TNS1: variants seen among roughly 807,000 people sequenced by gnomAD.
The protein encoded by TNS1 is tensin 1.
A neutral mutation model predicts 168.6 loss-of-function variants in TNS1; 62 were observed. The observed-to-expected ratio is 0.37, with a 90% CI of 0.30 to 0.45. The LOEUF (loss-of-function observed/expected upper bound fraction) is 0.45, where lower values mean the gene tolerates loss of function less well. TNS1 is among the 20% of genes least tolerant of loss of function. The probability of loss-of-function intolerance (pLI) is 1.00; values close to 1 mark genes in which losing one functional copy is unlikely to be tolerated. For synonymous variants in TNS1, 934 were observed against 933.2 expected (o/e 1.00, Z -0.02); for missense variants, 2,240 against 2,339.4 (o/e 0.96, Z 0.88).
chr2:217,852,019 CCTGTAATCCCAG>C (rs1947569638), intron 18 of TNS1, among the ~76,000 whole-genome samples: 1 of 152,184 alleles, frequency 6.6e-6, no homozygotes, highest in Admixed American at 6.5e-5. Context: ...GTAGCACATG[CCTGTAATCCCAG>C]CTACTCGGGA....
At chr2:217,830,455 G>A (rs1944257155) in intron 22 of TNS1, 3 of 1,584,434 alleles carry the variant, frequency 1.9e-6, no homozygotes, top group African/African-American at 1.3e-5. Context: ...AGTCCAGGGA[G>A]CAGCTTTCTG....
Position 217,812,225 on chromosome 2 carries a change from G to A in TNS1, c.5032+143C>T, listed in dbSNP as rs1941048590. 6.9e-6 allele frequency: 4 copies of A among 583,634 alleles called. No homozygotes were observed. In the East Asian group the frequency reaches 1.2e-4, roughly 17 times the overall value. 36.2% of individuals were successfully genotyped at this position (583,634 alleles called of 1,614,324 possible). On this transcript the variant is annotated intron_variant, in intron 28 of 32. Transcript: ENST00000682258. ...TTCTTTTTTAATAGGAAGAAAAGGAGAGTAGTTTTGAGTTTCTCCAGACTG... is the reference window on the plus strand; with the variant it reads ...TTCTTTTTTAATAGGAAGAAAAGGAAAGTAGTTTTGAGTTTCTCCAGACTG...
intron 3 of TNS1, among the ~76,000 whole-genome samples, chr2:217,946,745 C>T (rs1957115296): frequency 6.6e-6 from 1 of 152,012 alleles, no homozygotes; most frequent in African/African-American, 2.4e-5. Context: ...ATCATCACCC[C>T]TCTTTCCAGC....
intron 18 of TNS1, among the ~76,000 whole-genome samples, chr2:217,877,451 G>A (rs576783469): frequency 1.3e-5 from 2 of 152,342 alleles, no homozygotes; most frequent in South Asian, 2.1e-4. Flanking sequence ...TCTTCATCCA[G>A]GAAATGGGGT....
chr2:217,820,955 C>CA (rs1308651812), intron 23 of TNS1, among the ~76,000 whole-genome samples: 2 of 152,204 alleles, frequency 1.3e-5, no homozygotes. Context: ...AACATGGCCA[C>CA]AGCCCAGTCC....
At chr2:217,906,670 T>TA (rs1418574098) in intron 5 of TNS1, among the ~76,000 whole-genome samples, 1 of 152,106 alleles carries the variant, frequency 6.6e-6, no homozygotes, top group Non-Finnish European at 1.5e-5. Context: ...CACAGTCACA[T>TA]AATTAGAACC....
chr2:218,007,779 A>T (rs1958673133), upstream of TNS1, among the ~76,000 whole-genome samples: 1 of 152,166 alleles, frequency 6.6e-6, no homozygotes, highest in South Asian at 2.1e-4. Context: ...CCTCACCCTC[A>T]TACACCTCAG....
At chr2:217,964,996 T>A (rs894801208) in intron 3 of TNS1, among the ~76,000 whole-genome samples, 4 of 152,074 alleles carry the variant, frequency 2.6e-5, no homozygotes. Context: ...GTGTCAAAGA[T>A]CCTTGGCAGG....
chr2:217,851,590 C>G (rs1383194618), intron 18 of TNS1, among the ~76,000 whole-genome samples: 1 of 152,100 alleles, frequency 6.6e-6, no homozygotes. Context: ...AACACAGGAC[C>G]AAAGTATTGC....
At chr2:217,925,375 G>A (rs1017742824) in intron 3 of TNS1, among the ~76,000 whole-genome samples, 1 of 152,044 alleles carries the variant, frequency 6.6e-6, no homozygotes, top group African/African-American at 2.4e-5. Context: ...CCCCAACTGG[G>A]TGACACTCCT....
chr2:217,993,824 A>C (rs1019582192), intron 1 of TNS1, among the ~76,000 whole-genome samples: 1 of 152,356 alleles, frequency 6.6e-6, no homozygotes, highest in Admixed American at 6.5e-5. Context: ...TAGAAAAATC[A>C]GGAAAGTATT....
intron 8 of TNS1, 140 bp from the exon 9 acceptor site, chr2:217,895,196 C>A (rs1952159327): frequency 7.2e-6 from 6 of 833,562 alleles, no homozygotes; most frequent in African/African-American, 1.7e-5. Context: ...CGACAGCATC[C>A]AGCAGAGCGT....
chr2:217,963,181 C>T (rs187749064), intron 3 of TNS1, among the ~76,000 whole-genome samples: 15 of 152,186 alleles, frequency 9.9e-5, no homozygotes, highest in South Asian at 4.2e-4. Context: ...TGAGAGGTCC[C>T]GAGATACCTC....
At chr2:217,865,450 G>C (rs1949186327) in intron 18 of TNS1, among the ~76,000 whole-genome samples, 1 of 152,228 alleles carries the variant, frequency 6.6e-6, no homozygotes, top group Non-Finnish European at 1.5e-5. Flanking sequence ...ACAGAGAGAG[G>C]AAGGCAGGGA....
chr2:217,879,186 A>C, intron 18 of TNS1: 1 of 279,298 alleles, frequency 3.6e-6, no homozygotes, highest in Non-Finnish European at 7.1e-6. Context: ...CCTCACCGTT[A>C]ATTATTTTAC....
intron 6 of TNS1, among the ~76,000 whole-genome samples, chr2:217,901,035 G>C (rs1163357320): frequency 6.6e-6 from 1 of 152,106 alleles, no homozygotes. Flanking sequence ...CAGGAACCAA[G>C]ACGAGGCCTA....
At chr2:218,025,807 G>T (rs1958845801) in intron 1 of TNS1, among the ~76,000 whole-genome samples, 1 of 152,118 alleles carries the variant, frequency 6.6e-6, no homozygotes, top group South Asian at 2.1e-4. Flanking sequence ...CTGCCGGGTG[G>T]CTGGGAATAC....
chr2:217,961,956 A>T (rs780464526), intron 3 of TNS1, among the ~76,000 whole-genome samples: 4 of 152,220 alleles, frequency 2.6e-5, no homozygotes, highest in Admixed American at 6.5e-5. Context: ...TAAGAGCATA[A>T]ACTGAGGTTT....
chr2:217,897,237 C>A (rs926814907), intron 8 of TNS1, among the ~76,000 whole-genome samples: 3 of 152,198 alleles, frequency 2.0e-5, no homozygotes, highest in African/African-American at 7.2e-5. Context: ...ACCGCCAGCA[C>A]CTCTCTCCCG....
Sources: gnomAD v4.1 joint callset for allele counts (sites outside exome capture counted in the v4.1 genomes callset) on GRCh38, gnomAD v4.1.1 for gene constraint, MANE v1.5 for transcripts, NCBI Gene and HGNC (gene_info 2026-07-23, HGNC 2026-07-21) for gene names.